Variants in UNC5D observed in about 807,000 individuals in gnomAD.
UNC5D encodes unc-5 netrin receptor D.
A neutral mutation model predicts 105.4 loss-of-function variants in UNC5D; 39 were observed. The ratio of observed to expected loss-of-function variants is 0.37; its 90% confidence interval spans 0.29 to 0.48. UNC5D has a LOEUF of 0.48. Among genes scored for constraint, UNC5D ranks in the 20% least tolerant of loss-of-function variants. The pLI is 0.98. For missense variants in UNC5D, 991 were observed against 1,202.4 expected, an observed-to-expected ratio of 0.82 and a Z score of 2.60; for synonymous variants, 452 against 450.4, an observed-to-expected ratio of 1.00 and a Z score of -0.04.
At chr8:35,319,131 CTA>C (rs1461841548) in intron 1 of UNC5D, among the ~76,000 whole-genome samples, 4 of 152,102 alleles carry the variant, frequency 2.6e-5, no homozygotes, top group African/African-American at 9.7e-5. Context: ...TTGAACTCAG[CTA>C]TGTAAGTATG....
chr8:35,636,995 C>G (rs1385595745), intron 4 of UNC5D, among the ~76,000 whole-genome samples: 1 of 152,094 alleles, frequency 6.6e-6, no homozygotes, highest in East Asian at 1.9e-4. Context: ...TCTAATAAAC[C>G]CTTTCTCATG....
intron 3 of UNC5D, among the ~76,000 whole-genome samples, chr8:35,574,073 G>T (rs1004816837): frequency 6.6e-6 from 1 of 152,128 alleles, no homozygotes; most frequent in African/African-American, 2.4e-5. Flanking sequence ...GCTGCTGGAC[G>T]GTTGTCAAAA....
At chr8:35,443,382 CA>C (rs1807564260) in intron 1 of UNC5D, among the ~76,000 whole-genome samples, 2 of 151,540 alleles carry the variant, frequency 1.3e-5, no homozygotes, top group Non-Finnish European at 2.9e-5. Flanking sequence ...AATGCTGAAT[CA>C]GGGGGCAGCC....
At chr8:35,246,142 G>A (rs771124905) in intron 1 of UNC5D, among the ~76,000 whole-genome samples, 2 of 152,154 alleles carry the variant, frequency 1.3e-5, no homozygotes, top group Non-Finnish European at 2.9e-5. Context: ...ATTTGTAGGA[G>A]AAGCAGTGAC....
Position 35,796,354 on chromosome 8 carries a change from A to G in UNC5D, c.*5791A>G, listed in dbSNP as rs1803253060. 7.2e-6 allele frequency: 1 copy of G among 138,146 alleles called. No homozygotes were observed. Among genetic ancestry groups the G allele is most frequent in the Non-Finnish European group, 1.5e-5 (1 of 65,922 alleles). 8.6% of individuals were successfully genotyped at this position (138,146 alleles called of 1,614,324 possible). A position where few individuals can be genotyped will look rare whatever the true frequency, so the allele number is the denominator to read the frequency against. On this transcript the variant is annotated 3_prime_UTR_variant, in exon 17 of 17. Transcript: ENST00000404895. ...TATCTATAAATATATATACATATAT[A>G]TTTGGTAATGCCAAACAGCTCTGTT...
chr8:35,544,350 G>A, intron 1 of UNC5D: 1 of 1,564,716 alleles, frequency 6.4e-7, no homozygotes, highest in Non-Finnish European at 8.7e-7. Context: ...TATCAGTGAG[G>A]AACGTTTTCT....
intron 1 of UNC5D, among the ~76,000 whole-genome samples, chr8:35,247,976 A>G (rs1803256537): frequency 6.6e-5 from 1 of 15,240 alleles, no homozygotes; most frequent in Non-Finnish European, 9.5e-5. Context: ...TATATAAAAT[A>G]TATATAATAT....
At chr8:35,248,994 TA>T (rs1402523939) in intron 1 of UNC5D, among the ~76,000 whole-genome samples, 3 of 85,632 alleles carry the variant, frequency 3.5e-5, no homozygotes, top group Non-Finnish European at 4.1e-5. Flanking sequence ...TAATATATTA[TA>T]TATAAACATA....
intron 3 of UNC5D, among the ~76,000 whole-genome samples, chr8:35,592,728 T>C (rs1252518843): frequency 6.6e-6 from 1 of 152,170 alleles, no homozygotes; most frequent in Non-Finnish European, 1.5e-5. Context: ...GGTATAATGA[T>C]GTCTGATCAT....
chr8:35,540,444 G>GGGGGGT (rs1554554009), intron 1 of UNC5D, among the ~76,000 whole-genome samples: 1 of 142,698 alleles, frequency 7.0e-6, no homozygotes, highest in Non-Finnish European at 1.6e-5. Context: ...AAAGCAGAGG[G>GGGGGGT]GTGTGTGTGT....
chr8:35,707,234 T>C (rs1827641461), intron 8 of UNC5D, among the ~76,000 whole-genome samples: 1 of 152,202 alleles, frequency 6.6e-6, no homozygotes, highest in Non-Finnish European at 1.5e-5. Context: ...GTAAAGCCAT[T>C]CTGTTCCTAT....
intron 4 of UNC5D, among the ~76,000 whole-genome samples, chr8:35,657,738 G>A (rs1309698051): frequency 6.6e-6 from 1 of 152,064 alleles, no homozygotes; most frequent in African/African-American, 2.4e-5. Context: ...CTCCTACATT[G>A]GACTCCCAAA....
chr8:35,336,212 T>G (rs192881357), intron 1 of UNC5D, among the ~76,000 whole-genome samples: 19 of 152,282 alleles, frequency 1.2e-4, no homozygotes, highest in African/African-American at 4.6e-4. Context: ...TGAAGCTGCT[T>G]CTTTGGTTGG....
chr8:35,256,959 GTTTTTTTTTTTTTTTTGTT>G (rs1181709275), intron 1 of UNC5D, among the ~76,000 whole-genome samples: 1 of 102,522 alleles, frequency 9.8e-6, no homozygotes, highest in African/African-American at 4.0e-5. Context: ...CTCTTTTTTT[GTTTTTTTTTTTTTTTTGTT>G]TTTTGTTTTT....
chr8:35,657,078 GTGTATATATA>G (rs1378718930), intron 4 of UNC5D, among the ~76,000 whole-genome samples: 168 of 80,520 alleles, frequency 2.1e-3, no homozygotes, highest in African/African-American at 8.1e-3. Context: ...GTGTGTGTGT[GTGTATATATA>G]TATATATATA....
intron 4 of UNC5D, among the ~76,000 whole-genome samples, chr8:35,661,662 G>A (rs1824112880): frequency 6.6e-6 from 1 of 152,150 alleles, no homozygotes; most frequent in Non-Finnish European, 1.5e-5. Context: ...GGGCCAGCCT[G>A]TTCATCATGC....
intron 3 of UNC5D, among the ~76,000 whole-genome samples, chr8:35,592,843 C>T (rs1819253916): frequency 6.6e-6 from 1 of 152,022 alleles, no homozygotes; most frequent in Non-Finnish European, 1.5e-5. Flanking sequence ...AATCTTTGTT[C>T]TTTTTATGTA....
chr8:35,328,225 T>TTTTA (rs61297092), intron 1 of UNC5D, among the ~76,000 whole-genome samples: 123,231 of 150,626 alleles, frequency 0.82, 50,863 homozygotes, highest in East Asian at 1. Flanking sequence ...ATTTACTTTA[T>TTTTA]TTTATTTATT....
chr8:35,379,893 C>T (rs1367032517), intron 1 of UNC5D, among the ~76,000 whole-genome samples: 1 of 151,908 alleles, frequency 6.6e-6, no homozygotes, highest in Non-Finnish European at 1.5e-5. Context: ...TACTCACATA[C>T]ATTTTTATAT....
Sources: allele counts gnomAD v4.1 joint callset (sites outside exome capture counted in the v4.1 genomes callset), GRCh38; gene constraint gnomAD v4.1.1; transcripts MANE v1.5; gene names NCBI Gene and HGNC (gene_info 2026-07-23, HGNC 2026-07-21).